Variants in RBFOX3 observed in about 807,000 individuals in gnomAD.
RBFOX3 encodes the protein RNA binding protein fox-1 homolog 3.
In RBFOX3, 17 loss-of-function variants were observed where a neutral mutation model predicts 48.7. The ratio of observed to expected loss-of-function variants is 0.35; its 90% CI spans 0.24 to 0.52. The LOEUF is 0.52. RBFOX3 is among the 20% of genes least tolerant of loss of function. The pLI is 0.94. For missense variants in RBFOX3, 382 were observed against 497.5 expected, an observed-to-expected ratio of 0.77 and a Z score of 2.21; for synonymous variants, 212 against 209.5, an observed-to-expected ratio of 1.01 and a Z score of -0.10.
intron 2 of RBFOX3, among the ~76,000 whole-genome samples, chr17:79,422,649 G>A (rs1403069684): frequency 3.3e-5 from 5 of 152,124 alleles, no homozygotes; most frequent in Admixed American, 3.3e-4. Flanking sequence ...CACCCCGGCA[G>A]TGCTCCTCTC....
chr17:79,352,407 T>C (rs1481934576), intron 2 of RBFOX3, among the ~76,000 whole-genome samples: 4 of 152,212 alleles, frequency 2.6e-5, no homozygotes, highest in Non-Finnish European at 2.9e-5. Flanking sequence ...TCCCCAGCCA[T>C]GCTTCCTGTG....
upstream of RBFOX3, among the ~76,000 whole-genome samples, chr17:79,611,955 G>C (rs1218686886): frequency 6.6e-6 from 1 of 152,184 alleles, no homozygotes; most frequent in Non-Finnish European, 1.5e-5. Flanking sequence ...CCAGCATCTA[G>C]AGTAAGGGGC....
chr17:79,458,664 G>A (rs1422755125), intron 2 of RBFOX3, among the ~76,000 whole-genome samples: 1 of 152,104 alleles, frequency 6.6e-6, no homozygotes, highest in Non-Finnish European at 1.5e-5. Context: ...CAGTGCTAGG[G>A]CAGCTCAGCT....
At chr17:79,549,400 G>C (rs1599124341) in intron 1 of RBFOX3, among the ~76,000 whole-genome samples, 1 of 152,376 alleles carries the variant, frequency 6.6e-6, no homozygotes, top group Non-Finnish European at 1.5e-5. Context: ...CTAGAGACAG[G>C]GAGAGGGATG....
rs1306565071 is a variant in RBFOX3 at position 79,320,877 on chromosome 17, G to A, written c.-174-13053C>T. ...CGTCTGTCACCATCGCTAACAGGTA[G>A]GGGGAAAACAGATTATTCAGCCTCC... On this transcript the variant is annotated intron_variant, in intron 2 of 14. Transcript: ENST00000693108. 2.0e-5 allele frequency among the ~76,000 whole-genome samples: 3 copies of A among 152,252 alleles called. No individual in the cohort carries two copies. The East Asian group carries it at 5.8e-4, about 29-fold the overall frequency.
chr17:79,440,782 G>GA (rs1213412053), intron 2 of RBFOX3, among the ~76,000 whole-genome samples: 1 of 150,716 alleles, frequency 6.6e-6, no homozygotes, highest in Non-Finnish European at 1.5e-5. Context: ...ACCAGAGGAA[G>GA]GGCCCCCCTG....
intron 4 of RBFOX3, among the ~76,000 whole-genome samples, chr17:79,118,987 A>AAT (rs1358412657): frequency 1.5e-5 from 2 of 134,216 alleles, no homozygotes; most frequent in Middle Eastern, 3.7e-3. Flanking sequence ...AAAAAAAAAA[A>AAT]AAAAAATAAA....
chr17:79,445,883 G>C (rs1276525621), intron 2 of RBFOX3, among the ~76,000 whole-genome samples: 1 of 152,218 alleles, frequency 6.6e-6, no homozygotes, highest in Non-Finnish European at 1.5e-5. Flanking sequence ...TGGACCTAGG[G>C]CAGGGGCCCT....
chr17:79,115,645 G>T lies in RBFOX3; in HGVS notation c.71C>A (p.Pro24Gln). 1 of 1,432,078 alleles carries T rather than the reference G, an allele frequency of 7.0e-7. No homozygotes were observed. Among genetic ancestry groups the T allele is most frequent in the Non-Finnish European group, 9.2e-7 (1 of 1,088,074 alleles). 88.7% of individuals were successfully genotyped at this position (1,432,078 alleles called of 1,614,324 possible). ...GTCCTGCGTGGGGTGCGGTGGGGGC[G>T]GGGCGTACTCGGCAGGGATGCCGTT... ...PQNGIPAEYAPPPPHPTQDYS... is the reference protein window; with the variant it reads ...PQNGIPAEYAQPPPHPTQDYS... The change falls in exon 5 of 15, where the codon CCG becomes CAG. Residue 24 changes from proline (P) to glutamine (Q), a missense_variant. By Grantham distance (76) the Pro-to-Gln change is moderately conservative. Around this residue, in one of 3 missense-constraint regions of RBFOX3, gnomAD observed 118 missense variants for 132.1 expected, o/e 0.89. Coordinates refer to ENST00000693108, the MANE Select transcript of RBFOX3 (RefSeq NM_001350451.2).
chr17:79,658,294 T>G, the RBFOX3 span, among the ~76,000 whole-genome samples: 1 of 75,716 alleles, frequency 1.3e-5, no homozygotes, highest in East Asian at 4.4e-4. Context: ...TCCTCCACCC[T>G]TCCCTCTCTC....
chr17:79,222,378 G>A (rs573152503), intron 4 of RBFOX3, among the ~76,000 whole-genome samples: 88 of 152,320 alleles, frequency 5.8e-4, no homozygotes, highest in African/African-American at 1.7e-3. Context: ...TGTGGGCTGC[G>A]TCGCTGCTCT....
chr17:79,627,351 AG>A, the RBFOX3 span, among the ~76,000 whole-genome samples: 4 of 152,180 alleles, frequency 2.6e-5, no homozygotes, highest in African/African-American at 9.7e-5. Flanking sequence ...CCTGAGAAAT[AG>A]GAACACAGCC....
At chr17:79,559,628 G>A (rs2092048357) in intron 1 of RBFOX3, among the ~76,000 whole-genome samples, 2 of 72,448 alleles carry the variant, frequency 2.8e-5, no homozygotes, top group African/African-American at 3.7e-5. Context: ...TGGATGGATG[G>A]GTGGATGGTG....
rs1371134213 is a variant in RBFOX3 at position 79,421,766 on chromosome 17, G to C, written c.-175+60688C>G. On this transcript the variant is annotated intron_variant, in intron 2 of 14. Transcript: ENST00000693108. The surrounding 1 kb of genome is among the most constrained non-coding windows in gnomAD (Gnocchi z 4.5). The stretch of plus-strand genomic sequence containing the variant: ...CAGCAGCCATGCTCTCTCCTCCTGT[G>C]GTGGGGAGGTCTCCTTGAGGCCTTG... Among the ~76,000 whole-genome samples, 1 of 152,176 alleles carries C rather than the reference G, an allele frequency of 6.6e-6. No individual in the cohort carries two copies. Among genetic ancestry groups the C allele is most frequent in the Non-Finnish European group, 1.5e-5 (1 of 68,034 alleles).
chr17:79,561,024 G>A (rs2092179106), intron 1 of RBFOX3, among the ~76,000 whole-genome samples: 1 of 152,126 alleles, frequency 6.6e-6, no homozygotes, highest in South Asian at 2.1e-4. Flanking sequence ...CAGAGCTGGG[G>A]GCGCCTGGCC....
chr17:79,239,269 C>T (rs953085665), intron 3 of RBFOX3, among the ~76,000 whole-genome samples: 1 of 152,194 alleles, frequency 6.6e-6, no homozygotes, highest in African/African-American at 2.4e-5. Flanking sequence ...CATTCCCATT[C>T]CATGGGCCTT....
chr17:79,324,576 A>C (rs2079028701), intron 2 of RBFOX3, among the ~76,000 whole-genome samples: 1 of 152,190 alleles, frequency 6.6e-6, no homozygotes, highest in South Asian at 2.1e-4. Context: ...ACGTGGGCAA[A>C]GCATTTATGA....
chr17:79,254,514 T>C lies in RBFOX3; in HGVS notation c.-73-18709A>G, dbSNP rs1476586377. 2.0e-5 allele frequency among the ~76,000 whole-genome samples: 3 copies of C among 152,140 alleles called. No homozygotes were observed. Among genetic ancestry groups the C allele is most frequent in the Non-Finnish European group, 2.9e-5 (2 of 68,016 alleles). On this transcript the variant is annotated intron_variant, in intron 3 of 14. Transcript: ENST00000693108. This position sits in a 1 kb window ranked among gnomAD's most constrained non-coding sequence, Gnocchi z 4.8. ...GGAAGCCCTTGAGTTGCTAAGCCTG[T>C]AGGTGACCCTGACTGAGGGTTCTGG...
At chr17:79,469,484 C>T (rs2076788953) in intron 2 of RBFOX3, among the ~76,000 whole-genome samples, 1 of 152,224 alleles carries the variant, frequency 6.6e-6, no homozygotes, top group Admixed American at 6.5e-5. Flanking sequence ...GACAACTGCC[C>T]TGTGCCTACA....
Sources: gnomAD v4.1 joint callset for allele counts (sites outside exome capture counted in the v4.1 genomes callset) on GRCh38, gnomAD v4.1.1 for gene constraint, gnomAD v4.1.1 regional missense constraint, Gnocchi (gnomAD v3.1) non-coding constraint, MANE v1.5 for transcripts, NCBI Gene and HGNC (gene_info 2026-07-23, HGNC 2026-07-21) for gene names.